Variants in MECOM observed in about 807,000 individuals in gnomAD.
The protein encoded by MECOM is MDS1 and EVI1 complex locus, also known as histone-lysine N-methyltransferase MECOM.
A neutral mutation model predicts 116.3 loss-of-function variants in MECOM; 13 were observed. The ratio of observed to expected loss-of-function variants is 0.11; its 90% confidence interval spans 0.07 to 0.18. The LOEUF (loss-of-function observed/expected upper bound fraction) is 0.18, where lower values mean the gene tolerates loss of function less well. MECOM is among the 10% of genes least tolerant of loss of function. MECOM has a pLI of 1.00. For synonymous variants in MECOM, 528 were observed against 535.2 expected (o/e 0.99, Z 0.19); for missense variants, 1,299 against 1,509.0 (o/e 0.86, Z 2.31).
chr3:169,517,416 T>C (rs1269602838), intron 1 of MECOM, among the ~76,000 whole-genome samples: 2 of 152,226 alleles, frequency 1.3e-5, no homozygotes, highest in African/African-American at 4.8e-5. Context: ...CTGAATTTTG[T>C]GAAGACTTAT....
chr3:169,107,536 A>G (rs1725843025), intron 10 of MECOM, among the ~76,000 whole-genome samples: 1 of 152,140 alleles, frequency 6.6e-6, no homozygotes, highest in Non-Finnish European at 1.5e-5. Context: ...TTCAGGTTTT[A>G]TCCTTTAGAA....
chr3:169,149,673 A>G (rs1404816439), intron 2 of MECOM: 8 of 497,100 alleles, frequency 1.6e-5, no homozygotes, highest in Middle Eastern at 3.2e-4. Context: ...AGCCTGAGAG[A>G]AGGCTATTCC....
intron 10 of MECOM, among the ~76,000 whole-genome samples, chr3:169,106,569 G>A (rs1163569942): frequency 2.0e-5 from 3 of 152,228 alleles, no homozygotes; most frequent in Non-Finnish European, 4.4e-5. Flanking sequence ...TCAATGGAAT[G>A]GGAATGTTTC....
intron 2 of MECOM, among the ~76,000 whole-genome samples, chr3:169,211,081 G>A (rs753127567): frequency 6.6e-6 from 1 of 152,112 alleles, no homozygotes; most frequent in East Asian, 1.9e-4. Context: ...TCAAACATGT[G>A]TGCACAAGTC....
At chr3:169,297,771 T>C (rs971115265) in intron 2 of MECOM, among the ~76,000 whole-genome samples, 1 of 152,216 alleles carries the variant, frequency 6.6e-6, no homozygotes, top group Non-Finnish European at 1.5e-5. Context: ...ACTCTTGTGT[T>C]GTTATTAAAT....
intron 2 of MECOM, among the ~76,000 whole-genome samples, chr3:169,320,634 T>C (rs576325138): frequency 2.6e-5 from 4 of 152,320 alleles, no homozygotes; most frequent in Admixed American, 2.0e-4. Context: ...GAAGAACCCA[T>C]AATATTTTCA....
chr3:169,380,332 C>T (rs1317442076), intron 2 of MECOM, among the ~76,000 whole-genome samples: 1 of 151,982 alleles, frequency 6.6e-6, no homozygotes, highest in Non-Finnish European at 1.5e-5. Context: ...CAAGATTTTC[C>T]AGAAATTATG....
intron 1 of MECOM, among the ~76,000 whole-genome samples, chr3:169,598,693 A>C (rs969656110): frequency 6.6e-5 from 10 of 152,336 alleles, no homozygotes; most frequent in Middle Eastern, 3.4e-3. Flanking sequence ...TATAGTGAGC[A>C]ATTTGCACCG....
At chr3:169,240,111 A>G (rs545584768) in intron 2 of MECOM, among the ~76,000 whole-genome samples, 13 of 152,312 alleles carry the variant, frequency 8.5e-5, no homozygotes, top group Admixed American at 7.9e-4. Context: ...CTATCTAGAA[A>G]CTGGTTTTAT....
At chr3:169,155,554 CA>C (rs1304633228) in intron 2 of MECOM, among the ~76,000 whole-genome samples, 4 of 152,072 alleles carry the variant, frequency 2.6e-5, no homozygotes, top group African/African-American at 9.7e-5. Context: ...AAAGTTATAA[CA>C]ATGCTTTGCT....
At chr3:169,400,911 A>G (rs896070966) in intron 1 of MECOM, among the ~76,000 whole-genome samples, 2 of 152,194 alleles carry the variant, frequency 1.3e-5, no homozygotes, top group Admixed American at 1.3e-4. Flanking sequence ...TGATGTATGG[A>G]TTCAGAAATC....
chr3:169,473,802 C>A (rs894483090), intron 1 of MECOM, among the ~76,000 whole-genome samples: 1 of 151,842 alleles, frequency 6.6e-6, no homozygotes, highest in African/African-American at 2.4e-5. Context: ...AAATACCAGA[C>A]ACTATTAGTT....
chr3:169,321,366 C>T (rs894209670), intron 2 of MECOM, among the ~76,000 whole-genome samples: 7 of 151,988 alleles, frequency 4.6e-5, no homozygotes, highest in Non-Finnish European at 8.8e-5. Flanking sequence ...ACAGTGAAAC[C>T]CAGTCTCTAC....
intron 1 of MECOM, among the ~76,000 whole-genome samples, chr3:169,424,133 A>G (rs1740239144): frequency 6.6e-6 from 1 of 152,100 alleles, no homozygotes; most frequent in Non-Finnish European, 1.5e-5. Flanking sequence ...TAGTTATTCC[A>G]ATTGAAATAA....
chr3:169,285,578 T>C (rs945783018), intron 2 of MECOM, among the ~76,000 whole-genome samples: 1 of 152,212 alleles, frequency 6.6e-6, no homozygotes, highest in Non-Finnish European at 1.5e-5. Flanking sequence ...AGTGTGTGAC[T>C]GCAGTAAACA....
intron 2 of MECOM, among the ~76,000 whole-genome samples, chr3:169,277,930 C>T (rs544027370): frequency 2.6e-5 from 4 of 152,328 alleles, no homozygotes; most frequent in Admixed American, 6.5e-5. Flanking sequence ...TAATCATGGA[C>T]GTCTCAGAGT....
At chr3:169,620,899 A>T (rs993123233) in intron 1 of MECOM, among the ~76,000 whole-genome samples, 5 of 152,242 alleles carry the variant, frequency 3.3e-5, no homozygotes, top group African/African-American at 1.2e-4. Context: ...TATTTTGAAA[A>T]TGAAAACGTA....
chr3:169,616,104 G>C (rs1769962978), intron 1 of MECOM, among the ~76,000 whole-genome samples: 1 of 152,160 alleles, frequency 6.6e-6, no homozygotes, highest in South Asian at 2.1e-4. Flanking sequence ...ATACTGGCTG[G>C]TTCTCCCCCA....
intron 2 of MECOM, among the ~76,000 whole-genome samples, chr3:169,161,009 T>C (rs971936266): frequency 2.6e-5 from 4 of 152,172 alleles, no homozygotes; most frequent in Non-Finnish European, 5.9e-5. Flanking sequence ...GGAGTTTATG[T>C]TGCAAAGCAG....
Sources: allele counts gnomAD v4.1 joint callset (sites outside exome capture counted in the v4.1 genomes callset), GRCh38; gene constraint gnomAD v4.1.1; transcripts MANE v1.5; gene names NCBI Gene and HGNC (gene_info 2026-07-23, HGNC 2026-07-21).